Variants in PDE4D observed in about 807,000 individuals in gnomAD.
PDE4D encodes the protein 3',5'-cyclic-AMP phosphodiesterase 4D.
A neutral mutation model predicts 87.4 loss-of-function variants in PDE4D; 24 were observed. The ratio of observed to expected loss-of-function variants is 0.27; its 90% CI spans 0.20 to 0.39. The LOEUF is 0.39. Ranked by LOEUF, PDE4D falls within the 10% of genes least tolerant of loss-of-function variation. The pLI is 1.00. For synonymous variants in PDE4D, 384 were observed against 383.2 expected (o/e 1.00, Z -0.02); for missense variants, 714 against 1,041.0 (o/e 0.69, Z 4.32).
intron 1 of PDE4D, among the ~76,000 whole-genome samples, chr5:60,388,999 A>C (rs1404460824): frequency 6.6e-6 from 1 of 152,074 alleles, no homozygotes; most frequent in Non-Finnish European, 1.5e-5. Flanking sequence ...CATTCCTTTG[A>C]GGAAAGAAAG....
intron 3 of PDE4D, among the ~76,000 whole-genome samples, chr5:59,966,070 T>C (rs186635435): frequency 6.6e-6 from 1 of 152,288 alleles, no homozygotes; most frequent in East Asian, 1.9e-4. Flanking sequence ...CCCTCACAAG[T>C]GAGGATCTCA....
intron 1 of PDE4D, among the ~76,000 whole-genome samples, chr5:60,379,191 G>GA (rs60761481): frequency 0.63 from 92,794 of 146,592 alleles, 29,899 homozygotes; most frequent in Non-Finnish European, 0.72. Context: ...ACCAGGAAAA[G>GA]AAAAAAAAAA....
chr5:59,592,595 T>A (rs1310240695), intron 1 of PDE4D, among the ~76,000 whole-genome samples: 1 of 152,182 alleles, frequency 6.6e-6, no homozygotes, highest in African/African-American at 2.4e-5. Flanking sequence ...TCTTAAATGA[T>A]AAATTCTTTT....
chr5:59,508,997 C>A (rs945411449), intron 1 of PDE4D, among the ~76,000 whole-genome samples: 1 of 151,726 alleles, frequency 6.6e-6, no homozygotes, highest in Admixed American at 6.6e-5. Context: ...GGAATGGCAA[C>A]GAGGCAATAT....
chr5:59,353,344 C>T (rs1483438331), intron 1 of PDE4D, among the ~76,000 whole-genome samples: 2 of 136,440 alleles, frequency 1.5e-5, no homozygotes, highest in Non-Finnish European at 1.6e-5. Context: ...TCTTTACTTC[C>T]CAGATCGTTT....
intron 5 of PDE4D, among the ~76,000 whole-genome samples, chr5:59,043,622 T>C (rs1247313200): frequency 6.6e-6 from 1 of 152,160 alleles, no homozygotes; most frequent in Non-Finnish European, 1.5e-5. Flanking sequence ...TAGTTTCATA[T>C]GTATACATGT....
intron 1 of PDE4D, among the ~76,000 whole-genome samples, chr5:59,297,687 A>G (rs916129510): frequency 5.3e-5 from 8 of 152,186 alleles, no homozygotes; most frequent in African/African-American, 1.7e-4. Context: ...GGAAGCACTC[A>G]AGAAATATTG....
chr5:60,014,575 A>T (rs559465907), intron 2 of PDE4D, among the ~76,000 whole-genome samples: 2 of 152,332 alleles, frequency 1.3e-5, no homozygotes, highest in South Asian at 4.1e-4. Flanking sequence ...GACAAGGGTG[A>T]TTAAACTCTT....
chr5:60,201,651 T>A (rs970931766), intron 1 of PDE4D, among the ~76,000 whole-genome samples: 1 of 152,186 alleles, frequency 6.6e-6, no homozygotes, highest in Admixed American at 6.5e-5. Context: ...TTTCCAAACT[T>A]GCTTTATTTA....
chr5:59,649,932 T>TTTTTTTTTTTTTTTTTTCA, intron 1 of PDE4D, among the ~76,000 whole-genome samples: 1 of 141,836 alleles, frequency 7.1e-6, no homozygotes, highest in Admixed American at 7.3e-5. Context: ...TTTTTTTTTT[T>TTTTTTTTTTTTTTTTTTCA]AGCAATGACC....
At chr5:60,008,746 C>T (rs1764725463) in intron 2 of PDE4D, among the ~76,000 whole-genome samples, 1 of 152,028 alleles carries the variant, frequency 6.6e-6, no homozygotes, top group Non-Finnish European at 1.5e-5. Flanking sequence ...GTAACTACCA[C>T]CTAAACCTAC....
At chr5:59,003,952 C>T (rs929247485) in intron 6 of PDE4D, among the ~76,000 whole-genome samples, 2 of 145,234 alleles carry the variant, frequency 1.4e-5, no homozygotes, top group African/African-American at 5.0e-5. Context: ...AGGCTCACTG[C>T]CTTCCCCCTC....
chr5:59,175,885 C>G (rs1254823992), intron 5 of PDE4D, among the ~76,000 whole-genome samples: 1 of 149,072 alleles, frequency 6.7e-6, no homozygotes, highest in East Asian at 2.0e-4. Flanking sequence ...CCACCTTGGT[C>G]TCCTGAGTAG....
chr5:59,296,173 CT>C (rs1769055785), intron 1 of PDE4D, among the ~76,000 whole-genome samples: 1 of 152,000 alleles, frequency 6.6e-6, no homozygotes, highest in South Asian at 2.1e-4. Context: ...TGATGTACTG[CT>C]TTATTAATCT....
intron 2 of PDE4D, among the ~76,000 whole-genome samples, chr5:60,136,665 A>G (rs1406528560): frequency 6.6e-6 from 1 of 152,166 alleles, no homozygotes; most frequent in Non-Finnish European, 1.5e-5. Flanking sequence ...GACAAAGACT[A>G]CTATTAGGTA....
At chr5:60,007,462 A>G (rs545643836) in intron 2 of PDE4D, among the ~76,000 whole-genome samples, 2 of 152,162 alleles carry the variant, frequency 1.3e-5, no homozygotes, top group East Asian at 3.9e-4. Flanking sequence ...TAAATATCAG[A>G]AAAATCTCAA....
chr5:59,756,064 T>C (rs1030983561), intron 1 of PDE4D, among the ~76,000 whole-genome samples: 1 of 151,696 alleles, frequency 6.6e-6, no homozygotes, highest in African/African-American at 2.4e-5. Context: ...GCTAAACCCC[T>C]TCAAAAAGGT....
chr5:59,716,869 T>C (rs1755106103), intron 1 of PDE4D, among the ~76,000 whole-genome samples: 1 of 152,168 alleles, frequency 6.6e-6, no homozygotes, highest in Admixed American at 6.5e-5. Flanking sequence ...ACTCAAACTG[T>C]GTGCCTACTA....
intron 5 of PDE4D, among the ~76,000 whole-genome samples, chr5:59,140,243 T>A (rs985857199): frequency 1.3e-5 from 2 of 152,248 alleles, no homozygotes; most frequent in Non-Finnish European, 2.9e-5. Flanking sequence ...ACCTGTGTAA[T>A]TACTATAGCG....
Sources: gnomAD v4.1 joint callset for allele counts (sites outside exome capture counted in the v4.1 genomes callset) on GRCh38, gnomAD v4.1.1 for gene constraint, MANE v1.5 for transcripts, NCBI Gene and HGNC (gene_info 2026-07-23, HGNC 2026-07-21) for gene names.